The following SRGAP1 variants were observed in gnomAD, a reference collection of about 807,000 sequenced individuals.
SRGAP1 encodes SLIT-ROBO Rho GTPase activating protein 1, also known as SLIT-ROBO Rho GTPase-activating protein 1.
SRGAP1 carries 43 observed loss-of-function variants against 121.9 expected under a neutral mutation model. The ratio of observed to expected loss-of-function variants is 0.35; its 90% CI spans 0.28 to 0.46. The LOEUF is 0.46. Among genes scored for constraint, SRGAP1 ranks in the 20% least tolerant of loss-of-function variants. The probability of loss-of-function intolerance (pLI) is 1.00; values close to 1 mark genes in which losing one functional copy is unlikely to be tolerated. For synonymous variants in SRGAP1, 447 were observed against 485.4 expected, an observed-to-expected ratio of 0.92 and a Z score of 1.04; for missense variants, 1,102 against 1,350.9, an observed-to-expected ratio of 0.82 and a Z score of 2.89.
At position 64,157,319 on chromosome 12, in the gene SRGAP1, A is replaced by G. The variant is rs1235373256; in HGVS notation, c.*14647A>G. The G allele has an allele frequency of 6.6e-6, 1 of 151,914 alleles. No homozygotes were observed. Among genetic ancestry groups the G allele is most frequent in the Non-Finnish European group, 1.5e-5 (1 of 68,000 alleles). The allele number at this position is 151,914 out of a possible 1,614,324, so 9.4% of individuals were successfully genotyped here. A position where few individuals can be genotyped will look rare whatever the true frequency, so the allele number is the denominator to read the frequency against. Reference sequence around the variant, plus strand: ...TTGATGCTAGCTGCTGTAACAAACAACCCCCCAAACTCAGTAACACAATCA... The same window carrying G: ...TTGATGCTAGCTGCTGTAACAAACAGCCCCCCAAACTCAGTAACACAATCA... On this transcript the variant is annotated 3_prime_UTR_variant, in exon 22 of 22. Coordinates refer to ENST00000355086, the MANE Select transcript of SRGAP1 (RefSeq NM_020762.4).
Position 64,051,308 on chromosome 12 carries a change from G to A in SRGAP1, c.801+7733G>A, listed in dbSNP as rs141661810. Among the ~76,000 whole-genome samples, 26 of 152,178 alleles carry A rather than the reference G, an allele frequency of 1.7e-4. No individual in the cohort carries two copies. In the East Asian group the frequency reaches 4.4e-3, roughly 26 times the overall value. ...TGCTGTCTTTGGGTGATGTGACTTC[G>A]ATTTCCTACATTTTATAGTTAAGTC... is the stretch of plus-strand genomic sequence containing the variant. On this transcript the variant is annotated intron_variant, in intron 6 of 21. Transcript: ENST00000355086.
chr12:63,847,835 AT>A (rs539359235), intron 1 of SRGAP1, among the ~76,000 whole-genome samples: 14 of 150,784 alleles, frequency 9.3e-5, no homozygotes, highest in African/African-American at 2.7e-4. Context: ...GATTATATGT[AT>A]TTTTTTTTCT....
chr12:64,015,764 T>C (rs73317386), intron 3 of SRGAP1, among the ~76,000 whole-genome samples: 3,363 of 152,182 alleles, frequency 0.022, 130 homozygotes, highest in African/African-American at 0.075. Context: ...GATTAAGATA[T>C]GGCCCTTATC....
At chr12:64,074,187 C>A (rs1432534688) in intron 8 of SRGAP1, among the ~76,000 whole-genome samples, 1 of 152,132 alleles carries the variant, frequency 6.6e-6, no homozygotes, top group Non-Finnish European at 1.5e-5. Flanking sequence ...ATGTTCATTC[C>A]CACTCTTACT....
chr12:64,018,799 C>T (rs1350309548), intron 4 of SRGAP1, among the ~76,000 whole-genome samples: 1 of 152,176 alleles, frequency 6.6e-6, no homozygotes, highest in East Asian at 1.9e-4. Context: ...CAATTTCTAG[C>T]TCCTGCTTTA....
intron 13 of SRGAP1, 42 bp downstream of exon 13, chr12:64,095,034 C>T (rs373401336): frequency 8.7e-6 from 14 of 1,610,842 alleles, no homozygotes; most frequent in Non-Finnish European, 1.0e-5. Context: ...TAAAAAATCA[C>T]TTGAAGTGTT....
At chr12:63,849,200 A>G (rs1486622181) in intron 1 of SRGAP1, among the ~76,000 whole-genome samples, 4 of 152,252 alleles carry the variant, frequency 2.6e-5, no homozygotes, top group African/African-American at 7.2e-5. Flanking sequence ...CCAGTTGACT[A>G]TGCTATTTGT....
intron 18 of SRGAP1, among the ~76,000 whole-genome samples, chr12:64,120,097 T>C (rs2036582449): frequency 6.6e-6 from 1 of 152,128 alleles, no homozygotes; most frequent in Non-Finnish European, 1.5e-5. Context: ...TTCTACAAGT[T>C]GTATTTGATG....
chr12:64,027,893 C>T (rs1223795752), intron 4 of SRGAP1, among the ~76,000 whole-genome samples: 2 of 152,118 alleles, frequency 1.3e-5, no homozygotes, highest in South Asian at 2.1e-4. Flanking sequence ...GTTGATGCTG[C>T]AATTCTAAAG....
At chr12:63,902,492 A>T (rs2029981836) in intron 1 of SRGAP1, among the ~76,000 whole-genome samples, 1 of 152,228 alleles carries the variant, frequency 6.6e-6, no homozygotes, top group Non-Finnish European at 1.5e-5. Context: ...AGCAGAAAGC[A>T]GACTAACCAC....
intron 6 of SRGAP1, among the ~76,000 whole-genome samples, chr12:64,045,904 A>C: frequency 6.6e-6 from 1 of 152,216 alleles, no homozygotes; most frequent in South Asian, 2.1e-4. Flanking sequence ...ACAAACTATA[A>C]ATGAATTTAT....
rs569682523 is a variant in SRGAP1 at position 63,854,071 on chromosome 12, G to A, written c.67+9188G>A. Among the ~76,000 whole-genome samples, 5 of 152,292 alleles carry A rather than the reference G, an allele frequency of 3.3e-5. No homozygotes were observed. In the South Asian group the frequency reaches 1.0e-3, roughly 32 times the overall value. On this transcript the variant is annotated intron_variant, in intron 1 of 21. Transcript: ENST00000355086. ...CAGGTACAGAAAATGATTATTTACA[G>A]TTTAAAGAATAGTAGCTTTGAATAC...
In SRGAP1 at chr12:64,152,872, G is replaced by C. The variant is rs1409732493; in HGVS notation, c.*10200G>C. 6.9e-6 allele frequency: 1 copy of C among 144,436 alleles called. No individual in the cohort carries two copies. The highest frequency in any genetic ancestry group is 2.6e-5 in the African/African-American group (1 of 38,444). The allele number at this position is 144,436 out of a possible 1,614,324, so 8.9% of individuals were successfully genotyped here. On this transcript the variant is annotated 3_prime_UTR_variant, in exon 22 of 22. Coordinates refer to ENST00000355086, the MANE Select transcript of SRGAP1 (RefSeq NM_020762.4). ...GATCTAGCTGTGAATGAGACACACA[G>C]GGCTCCTGGTCTCATGGAGTGTACT...
chr12:63,906,320 T>C (rs968021078), intron 1 of SRGAP1, among the ~76,000 whole-genome samples: 12 of 152,134 alleles, frequency 7.9e-5, no homozygotes, highest in African/African-American at 2.9e-4. Context: ...TCTGGTTTTT[T>C]TTGTTTTGTT....
chr12:63,954,602 C>T (rs1426268838), intron 1 of SRGAP1, among the ~76,000 whole-genome samples: 4 of 148,704 alleles, frequency 2.7e-5, no homozygotes, highest in South Asian at 2.1e-4. Flanking sequence ...GGCGTGAACC[C>T]GGGAGGCGGA....
chr12:64,038,293 CATAG>C (rs1255511051), intron 4 of SRGAP1, among the ~76,000 whole-genome samples: 29 of 151,910 alleles, frequency 1.9e-4, no homozygotes, highest in African/African-American at 2.7e-4. Flanking sequence ...ATATTGTATA[CATAG>C]ATATATATAG....
chr12:64,002,783 AC>A (rs2033942006), intron 3 of SRGAP1, among the ~76,000 whole-genome samples: 2 of 152,162 alleles, frequency 1.3e-5, no homozygotes, highest in South Asian at 4.1e-4. Flanking sequence ...TCCGAATCCA[AC>A]CAGATTGATT....
rs1898842391 is a variant in SRGAP1 at position 63,844,804 on chromosome 12, G to C, written c.-13G>C. ...AACTTGCCCATTGAAAGCAAACCCG[G>C]AACAGCTGGATAATGTCCACCCCGA... On this transcript the variant is annotated 5_prime_UTR_variant, in exon 1 of 22. Transcript: ENST00000355086. This position sits in a 1 kb window ranked among gnomAD's most constrained non-coding sequence, Gnocchi z 4.3. 1 of 1,614,074 alleles carries C rather than the reference G, an allele frequency of 6.2e-7. No individual in the cohort carries two copies. Among genetic ancestry groups the C allele is most frequent in the Non-Finnish European group, 8.5e-7 (1 of 1,179,992 alleles).
At chr12:64,074,997 C>G (rs1201121295) in intron 8 of SRGAP1, among the ~76,000 whole-genome samples, 4 of 151,486 alleles carry the variant, frequency 2.6e-5, no homozygotes, top group African/African-American at 7.3e-5. Context: ...TTACCAGAGC[C>G]ACATTTTGAG....
Sources: gnomAD v4.1 joint callset for allele counts (sites outside exome capture counted in the v4.1 genomes callset) on GRCh38, gnomAD v4.1.1 for gene constraint, Gnocchi (gnomAD v3.1) non-coding constraint, MANE v1.5 for transcripts, NCBI Gene and HGNC (gene_info 2026-07-23, HGNC 2026-07-21) for gene names.